FZD3: variants seen among roughly 807,000 people sequenced by gnomAD.
The protein encoded by FZD3 is frizzled-3.
A neutral mutation model predicts 60.7 loss-of-function variants in FZD3; 30 were observed. The observed-to-expected ratio is 0.49, with a 90% confidence interval of 0.37 to 0.67. The LOEUF is 0.67. FZD3 is among the 30% of genes least tolerant of loss of function. FZD3 has a pLI of 0.00. For missense variants in FZD3, 605 were observed against 838.7 expected (o/e 0.72, Z 3.44); for synonymous variants, 246 against 275.2 (o/e 0.89, Z 1.05).
chr8:28,550,083 A>T (rs1193186713), intron 5 of FZD3, among the ~76,000 whole-genome samples: 7 of 152,098 alleles, frequency 4.6e-5, no homozygotes, highest in Admixed American at 4.6e-4. Context: ...ACAATTTGAA[A>T]TTATGTGTTC....
Position 28,554,661 on chromosome 8 carries a change from T to G in FZD3, c.1554-1077T>G, listed in dbSNP as rs535336480. Among the ~76,000 whole-genome samples, 38 of 152,206 alleles carry G rather than the reference T, an allele frequency of 2.5e-4. 2 individuals are homozygous for G. The South Asian group carries it at 7.1e-3, about 28-fold the overall frequency. On this transcript the variant is annotated intron_variant, in intron 6 of 7. Coordinates refer to ENST00000240093, the MANE Select transcript of FZD3 (RefSeq NM_017412.4). ...CCAATATTCCCTTAGAAATACACTC[T>G]TAGGACATGAATCTCTGTAATGATG...
intron 5 of FZD3, among the ~76,000 whole-genome samples, chr8:28,540,734 C>T (rs1433972005): frequency 6.6e-6 from 1 of 152,092 alleles, no homozygotes; most frequent in Non-Finnish European, 1.5e-5. Context: ...TACTTGAGGT[C>T]AGGAGTTTGA....
chr8:28,561,648 T>G (rs1805615363), intron 7 of FZD3, among the ~76,000 whole-genome samples: 2 of 151,992 alleles, frequency 1.3e-5, no homozygotes, highest in Admixed American at 6.5e-5. Flanking sequence ...AAACATTACT[T>G]AAAACTTAAT....
At chr8:28,550,743 C>T (rs1015546567) in intron 5 of FZD3, among the ~76,000 whole-genome samples, 4 of 151,848 alleles carry the variant, frequency 2.6e-5, no homozygotes, top group Non-Finnish European at 5.9e-5. Context: ...CTGCCTGCCT[C>T]GGCTTCCCAA....
At chr8:28,516,939 C>T (rs926580088) in intron 3 of FZD3, among the ~76,000 whole-genome samples, 3 of 152,068 alleles carry the variant, frequency 2.0e-5, no homozygotes, top group African/African-American at 4.8e-5. Context: ...GTTCTTCTGA[C>T]GCTCCACCTT....
In FZD3 at chr8:28,527,382, T is replaced by C. The variant is rs765619416; in HGVS notation, c.622T>C (p.Leu208=). ...GTCATTTGCTCGCTATTTCATAGGA[T>C]TGATTTCAATCATTTGCCTCTCGGC... ...ELSFARYFIG[L]ISIICLSATL... The change falls in exon 5 of 8, where the codon TTG becomes CTG. Residue 208 remains leucine, a synonymous_variant. Transcript: ENST00000240093. The surrounding 1 kb of genome is among the most constrained non-coding windows in gnomAD (Gnocchi z 5.0). 1.1e-5 allele frequency: 18 copies of C among 1,613,886 alleles called. No homozygotes were observed. Among genetic ancestry groups the C allele is most frequent in the African/African-American group, 5.3e-5 (4 of 74,930 alleles).
At position 28,572,382 on chromosome 8, in the gene FZD3, A is replaced by G. The variant is rs367689287; in HGVS notation, c.*9371A>G. 1 of 152,010 alleles carries G rather than the reference A, an allele frequency of 6.6e-6. No individual in the cohort carries two copies. Among genetic ancestry groups the G allele is most frequent in the African/African-American group, 2.4e-5 (1 of 41,394 alleles). The allele number at this position is 152,010 out of a possible 1,614,324, so 9.4% of individuals were successfully genotyped here. A position where few individuals can be genotyped will look rare whatever the true frequency, so the allele number is the denominator to read the frequency against. ...ATATATCAGAGGCTTTATGAAGGAG[A>G]CTCTACAGATAACCACAAATCTTAT... On this transcript the variant is annotated 3_prime_UTR_variant, in exon 8 of 8. Coordinates refer to ENST00000240093, the MANE Select transcript of FZD3 (RefSeq NM_017412.4).
At chr8:28,561,479 A>C (rs1805611385) in intron 7 of FZD3, among the ~76,000 whole-genome samples, 1 of 152,188 alleles carries the variant, frequency 6.6e-6, no homozygotes, top group African/African-American at 2.4e-5. Context: ...AATTTTATAA[A>C]TAATTCACAC....
intron 3 of FZD3, among the ~76,000 whole-genome samples, chr8:28,506,176 C>T (rs181095317): frequency 1.3e-5 from 2 of 152,250 alleles, no homozygotes; most frequent in East Asian, 1.9e-4. Context: ...CAGGTATTTA[C>T]GACTCTAGTG....
In FZD3 at chr8:28,502,688, G is replaced by C. The variant is rs748114131; in HGVS notation, c.-326G>C. On this transcript the variant is annotated 5_prime_UTR_variant, in exon 3 of 8. Coordinates refer to ENST00000240093, the MANE Select transcript of FZD3 (RefSeq NM_017412.4). ...TTTTCAGATATTTCAGTTGAAGGAA[G>C]AAATAGCTCTTCTCCTAAGATGGAA... 5.5e-6 allele frequency: 1 copy of C among 182,892 alleles called. No homozygotes were observed. Among genetic ancestry groups the C allele is most frequent in the Non-Finnish European group, 1.1e-5 (1 of 88,764 alleles). 11.3% of individuals were successfully genotyped at this position (182,892 alleles called of 1,614,324 possible).
At chr8:28,532,861 T>A (rs1804914567) in intron 5 of FZD3, among the ~76,000 whole-genome samples, 1 of 152,216 alleles carries the variant, frequency 6.6e-6, no homozygotes, top group South Asian at 2.1e-4. Context: ...TTCCAATTTC[T>A]ATATTTCATG....
intron 1 of FZD3, among the ~76,000 whole-genome samples, chr8:28,496,081 C>T (rs1161204256): frequency 6.6e-6 from 1 of 152,126 alleles, no homozygotes; most frequent in Non-Finnish European, 1.5e-5. Flanking sequence ...ATTTAGGTGG[C>T]TATTTCTTGG....
At chr8:28,524,164 T>C (rs1051753001) in intron 4 of FZD3, among the ~76,000 whole-genome samples, 1 of 152,196 alleles carries the variant, frequency 6.6e-6, no homozygotes, top group Non-Finnish European at 1.5e-5. Context: ...TAAAAATTCA[T>C]GGACACCCCC....
In FZD3 at chr8:28,514,489, C is replaced by T. The variant is rs28687604; in HGVS notation, c.190-6149C>T. Among the ~76,000 whole-genome samples, 667 of 152,306 alleles carry T rather than the reference C, an allele frequency of 4.4e-3. 5 individuals are homozygous for T. Among genetic ancestry groups the T allele is most frequent in the Middle Eastern group, 0.014 (4 of 294 alleles). On this transcript the variant is annotated intron_variant, in intron 3 of 7. Transcript: ENST00000240093. Reference sequence around the variant, plus strand: ...TGAAACCATCACCACAGTCAAGATACAGAGCATTTCCATCACCTGAAAAGC... The same window carrying T: ...TGAAACCATCACCACAGTCAAGATATAGAGCATTTCCATCACCTGAAAAGC...
At chr8:28,535,849 T>A (rs558702678) in intron 5 of FZD3, among the ~76,000 whole-genome samples, 5 of 152,206 alleles carry the variant, frequency 3.3e-5, no homozygotes, top group Non-Finnish European at 7.4e-5. Context: ...TCTAAGAGTT[T>A]CAGAGTATCC....
At chr8:28,506,022 T>A (rs1804131634) in intron 3 of FZD3, among the ~76,000 whole-genome samples, 1 of 152,238 alleles carries the variant, frequency 6.6e-6, no homozygotes. Flanking sequence ...TATGAGTAGC[T>A]TTTGATAGGA....
chr8:28,538,135 A>ATAATAATAT (rs1267020654), intron 5 of FZD3, among the ~76,000 whole-genome samples: 32 of 150,552 alleles, frequency 2.1e-4, no homozygotes, highest in Non-Finnish European at 3.5e-4. Context: ...AATAATAATA[A>ATAATAATAT]TAATAATAAT....
intron 4 of FZD3, among the ~76,000 whole-genome samples, chr8:28,522,037 T>G (rs1033685914): frequency 6.6e-6 from 1 of 152,136 alleles, no homozygotes; most frequent in Non-Finnish European, 1.5e-5. Flanking sequence ...TGTTGATAGG[T>G]TCTCAGAATA....
rs920046069 is a variant in FZD3, at chr8:28,562,962, A to G, written c.1952A>G (p.His651Arg). ...LSNNPMTHIT[H>R]GTSMNRVIEE... ...AATAATCCCATGACTCATATCACAC[A>G]TGGCACCAGCATGAATCGGGTTATT... Residue 651 changes from histidine (H) to arginine (R), a missense_variant, in exon 8 of 8, where the codon CAT becomes CGT. Coordinates refer to ENST00000240093, the MANE Select transcript of FZD3 (RefSeq NM_017412.4). 2.5e-6 allele frequency: 4 copies of G among 1,613,518 alleles called. No homozygotes were observed. The highest frequency in any genetic ancestry group is 1.6e-4 in the Middle Eastern group (1 of 6,082).
Sources: allele counts gnomAD v4.1 joint callset (sites outside exome capture counted in the v4.1 genomes callset), GRCh38; gene constraint gnomAD v4.1.1; non-coding constraint Gnocchi (gnomAD v3.1); transcripts MANE v1.5; gene names NCBI Gene and HGNC (gene_info 2026-07-23, HGNC 2026-07-21).